UTRN: variants seen among roughly 807,000 people sequenced by gnomAD.
The protein encoded by UTRN is utrophin, also known as dystrophin-related protein 1.
Under a neutral mutation model 463.9 loss-of-function variants are expected in UTRN, and 283 were observed. The observed-to-expected ratio is 0.61, with a 90% CI of 0.55 to 0.67. The LOEUF (loss-of-function observed/expected upper bound fraction) is 0.67. Among genes scored for constraint, UTRN ranks in the 30% least tolerant of loss-of-function variants. The pLI is 0.00. For synonymous variants in UTRN, 1,442 were observed against 1,431.5 expected, an observed-to-expected ratio of 1.01 and a Z score of -0.17; for missense variants, 3,922 against 4,084.3, an observed-to-expected ratio of 0.96 and a Z score of 1.08.
intron 47 of UTRN, among the ~76,000 whole-genome samples, chr6:144,549,118 A>G (rs1472070174): frequency 6.6e-6 from 1 of 152,236 alleles, no homozygotes; most frequent in Non-Finnish European, 1.5e-5. Flanking sequence ...AAAGCTAGGC[A>G]CATTAGTATA....
At chr6:144,760,275 T>C (rs1170968229) in intron 58 of UTRN, among the ~76,000 whole-genome samples, 2 of 152,128 alleles carry the variant, frequency 1.3e-5, no homozygotes, top group Non-Finnish European at 2.9e-5. Context: ...AAGTTAGTTT[T>C]ACCTGGCTTC....
intron 51 of UTRN, among the ~76,000 whole-genome samples, chr6:144,615,892 CG>C (rs1273057963): frequency 1.3e-5 from 2 of 152,164 alleles, no homozygotes; most frequent in Non-Finnish European, 2.9e-5. Context: ...AAACCCCTTA[CG>C]CTGCCCTACC....
intron 51 of UTRN, among the ~76,000 whole-genome samples, chr6:144,631,237 G>GGTGTGTGTGT (rs67332744): frequency 0.051 from 7,524 of 147,442 alleles, 239 homozygotes; most frequent in South Asian, 0.087. Flanking sequence ...GAGAGAGAGA[G>GGTGTGTGTGT]GTGTGTGTGT....
At chr6:144,433,318 A>T (rs1237041399) in intron 9 of UTRN, among the ~76,000 whole-genome samples, 21 of 129,754 alleles carry the variant, frequency 1.6e-4, no homozygotes, top group Admixed American at 1.5e-3. Flanking sequence ...TGGGGGGCTG[A>T]ACCCCCCACC....
chr6:144,764,823 A>T (rs191731529), intron 58 of UTRN, among the ~76,000 whole-genome samples: 5 of 152,070 alleles, frequency 3.3e-5, no homozygotes, highest in East Asian at 1.9e-4. Flanking sequence ...TAAAGTAGTA[A>T]TTTTTTTTAA....
At chr6:144,422,145 A>G (rs911498420) in intron 4 of UTRN, among the ~76,000 whole-genome samples, 175 bp downstream of exon 4, 3 of 152,180 alleles carry the variant, frequency 2.0e-5, no homozygotes, top group Non-Finnish European at 4.4e-5. Context: ...ATACAACAAC[A>G]TTTTGGCTCT....
At chr6:144,778,638 AAAAAT>A (rs2128736773) in intron 60 of UTRN, among the ~76,000 whole-genome samples, 1 of 151,350 alleles carries the variant, frequency 6.6e-6, no homozygotes, top group Admixed American at 6.6e-5. Context: ...AATAAAATAA[AAAAAT>A]AAAGAATGGC....
chr6:144,351,126 C>G (rs1428486171), intron 2 of UTRN, among the ~76,000 whole-genome samples: 1 of 152,056 alleles, frequency 6.6e-6, no homozygotes, highest in Non-Finnish European at 1.5e-5. Flanking sequence ...TAAAATTAAG[C>G]CCTAACTATT....
chr6:144,327,379 A>C (rs1776039559), intron 2 of UTRN, among the ~76,000 whole-genome samples: 1 of 152,088 alleles, frequency 6.6e-6, no homozygotes, highest in African/African-American at 2.4e-5. Flanking sequence ...TCTTCCAGAG[A>C]AGCCCACATA....
At chr6:144,673,823 C>T (rs760980426) in intron 51 of UTRN, among the ~76,000 whole-genome samples, 9 of 152,002 alleles carry the variant, frequency 5.9e-5, no homozygotes, top group Non-Finnish European at 1.3e-4. Flanking sequence ...TATGATTTCT[C>T]GTAGTGCTGA....
chr6:144,833,159 C>T (rs1039094487), intron 69 of UTRN, among the ~76,000 whole-genome samples: 3 of 151,994 alleles, frequency 2.0e-5, no homozygotes, highest in Non-Finnish European at 4.4e-5. Context: ...ATAAGTTTAC[C>T]TCTATTTTTA....
At chr6:144,733,507 CAA>C (rs66466161) in intron 54 of UTRN, among the ~76,000 whole-genome samples, 55,013 of 105,242 alleles carry the variant, frequency 0.52, 13,719 homozygotes, top group East Asian at 0.86. Flanking sequence ...AACTCCATCT[CAA>C]AAAAAAAAAA....
intron 2 of UTRN, among the ~76,000 whole-genome samples, chr6:144,331,430 T>C (rs964974755): frequency 1.1e-4 from 16 of 152,176 alleles, no homozygotes; most frequent in Non-Finnish European, 1.9e-4. Flanking sequence ...TTCTCCGTGA[T>C]GGAAAAAGAT....
intron 13 of UTRN, among the ~76,000 whole-genome samples, chr6:144,440,739 C>G (rs1787068881): frequency 1.3e-5 from 2 of 152,138 alleles, no homozygotes; most frequent in Non-Finnish European, 1.5e-5. Context: ...GATTTGGAAG[C>G]ACAGTGTATT....
At position 144,562,675 on chromosome 6, in the gene UTRN, G is replaced by A. The variant is rs1433839173; in HGVS notation, c.7289+5364G>A. Among the ~76,000 whole-genome samples the A allele has an allele frequency of 2.6e-5, 4 of 152,128 alleles. No individual in the cohort carries two copies. In the East Asian group the frequency reaches 7.7e-4, roughly 29 times the overall value. On this transcript the variant is annotated intron_variant, in intron 50 of 74. Coordinates refer to ENST00000367545, the MANE Select transcript of UTRN (RefSeq NM_007124.3). ...TGCTGCAATGAACATACACATACAT[G>A]TATCTTTATAATAGAATGATTTATA...
At chr6:144,705,826 CCTT>C (rs1360282533) in intron 53 of UTRN, among the ~76,000 whole-genome samples, 2 of 151,766 alleles carry the variant, frequency 1.3e-5, no homozygotes, top group Non-Finnish European at 2.9e-5. Context: ...TCAAAAGCAA[CCTT>C]CTTTACCAAT....
At chr6:144,410,382 T>G (rs919555157) in intron 3 of UTRN, among the ~76,000 whole-genome samples, 1 of 152,200 alleles carries the variant, frequency 6.6e-6, no homozygotes, top group Non-Finnish European at 1.5e-5. Flanking sequence ...TTGCCTGGTA[T>G]GCATAAAGAG....
At chr6:144,490,876 T>G in intron 31 of UTRN, 53 bp from the exon 32 acceptor site, 2 of 1,515,312 alleles carry the variant, frequency 1.3e-6, no homozygotes, top group Non-Finnish European at 1.8e-6. Context: ...ATGCTCATGA[T>G]GAGAGAGATA....
At chr6:144,587,203 T>C (rs1395951935) in intron 51 of UTRN, among the ~76,000 whole-genome samples, 3 of 152,216 alleles carry the variant, frequency 2.0e-5, no homozygotes, top group Non-Finnish European at 4.4e-5. Flanking sequence ...CCTGGCCTTC[T>C]AGGGGGCTTG....
Sources: gnomAD v4.1 joint callset for allele counts (sites outside exome capture counted in the v4.1 genomes callset) on GRCh38, gnomAD v4.1.1 for gene constraint, MANE v1.5 for transcripts, NCBI Gene and HGNC (gene_info 2026-07-23, HGNC 2026-07-21) for gene names.